Variants in FGF14 observed in about 807,000 individuals in gnomAD.
The protein encoded by FGF14 is fibroblast growth factor 14, also known as fibroblast growth factor homologous factor 4.
FGF14 carries 5 observed loss-of-function variants against 25.5 expected under a neutral mutation model. That is an observed-to-expected ratio of 0.20 (90% confidence interval 0.10 to 0.41). FGF14 has a LOEUF of 0.41. FGF14 is among the 10% of genes least tolerant of loss of function. FGF14 has a pLI of 1.00. For missense variants in FGF14, 222 were observed against 320.1 expected, an observed-to-expected ratio of 0.69 and a Z score of 2.34; for synonymous variants, 138 against 118.3, an observed-to-expected ratio of 1.17 and a Z score of -1.08.
intron 1 of FGF14, among the ~76,000 whole-genome samples, chr13:101,925,260 C>T (rs180856738): frequency 1.7e-4 from 26 of 152,274 alleles, no homozygotes; most frequent in Non-Finnish European, 3.5e-4. Context: ...AATTTGCTAT[C>T]ATATTTTTGG....
At chr13:102,307,042 A>G (rs549270090) in intron 1 of FGF14, among the ~76,000 whole-genome samples, 27 of 152,242 alleles carry the variant, frequency 1.8e-4, no homozygotes, top group African/African-American at 5.5e-4. Flanking sequence ...CAGTTCAATC[A>G]TAGGAGGCCT....
intron 3 of FGF14, among the ~76,000 whole-genome samples, chr13:101,773,542 G>C (rs930335096): frequency 1.3e-5 from 2 of 152,068 alleles, no homozygotes; most frequent in African/African-American, 4.8e-5. Flanking sequence ...GCAACTTAGA[G>C]AGGTAGAAAG....
intron 1 of FGF14, among the ~76,000 whole-genome samples, chr13:102,316,212 C>A (rs553515697): frequency 2.0e-5 from 3 of 152,198 alleles, no homozygotes; most frequent in Non-Finnish European, 4.4e-5. Context: ...AAAATCCTGA[C>A]CTTTCTGCCA....
chr13:101,849,473 AC>A, intron 3 of FGF14, among the ~76,000 whole-genome samples: 1 of 152,156 alleles, frequency 6.6e-6, no homozygotes, highest in East Asian at 1.9e-4. Context: ...AAGCTTCTCC[AC>A]ACTTTCCTTC....
chr13:102,122,892 T>TA (rs372437342), intron 1 of FGF14, among the ~76,000 whole-genome samples: 1 of 152,128 alleles, frequency 6.6e-6, no homozygotes, highest in South Asian at 2.1e-4. Context: ...AGAGAAAGTG[T>TA]AAAAAAATTG....
At chr13:102,070,957 A>C (rs2043129924) in intron 1 of FGF14, among the ~76,000 whole-genome samples, 2 of 31,548 alleles carry the variant, frequency 6.3e-5, no homozygotes, top group Admixed American at 7.7e-4. Context: ...ACAAAACAAA[A>C]CACACACACA....
rs970675240 is a variant in FGF14, at chr13:101,719,608, A to G, written c.*3223T>C. On this transcript the variant is annotated 3_prime_UTR_variant, in exon 5 of 5. Transcript: ENST00000376143. ...CAAAAATGTTGTCACTTGAAATACC[A>G]AAACAACATTTCTGAGCGTTGTTGA... 5 of 152,144 alleles carry G rather than the reference A, an allele frequency of 3.3e-5. No individual in the cohort carries two copies. The highest frequency in any genetic ancestry group is 9.7e-5 in the African/African-American group (4 of 41,450). 9.4% of individuals were successfully genotyped at this position (152,144 alleles called of 1,614,324 possible).
At chr13:102,206,621 C>G (rs933125680) in intron 1 of FGF14, among the ~76,000 whole-genome samples, 2 of 152,112 alleles carry the variant, frequency 1.3e-5, no homozygotes, top group Non-Finnish European at 2.9e-5. Context: ...GTGGAGGTTA[C>G]AGTGAGCCCA....
intron 1 of FGF14, among the ~76,000 whole-genome samples, chr13:102,345,842 G>T (rs2138937945): frequency 6.6e-6 from 1 of 152,262 alleles, no homozygotes; most frequent in East Asian, 1.9e-4. Flanking sequence ...CTTTTGGACT[G>T]GAAAAGGGTG....
intron 3 of FGF14, among the ~76,000 whole-genome samples, chr13:101,823,330 T>C (rs1277909671): frequency 6.6e-6 from 1 of 150,394 alleles, no homozygotes; most frequent in Non-Finnish European, 1.5e-5. Context: ...TCTCTCTCTG[T>C]ATATGTATAT....
chr13:102,289,745 A>G (rs1214736363), intron 1 of FGF14, among the ~76,000 whole-genome samples: 1 of 152,212 alleles, frequency 6.6e-6, no homozygotes, highest in Non-Finnish European at 1.5e-5. Flanking sequence ...CAACATAGGT[A>G]CAGGCCTTAG....
At chr13:101,964,009 A>C (rs1228842563) in intron 1 of FGF14, among the ~76,000 whole-genome samples, 1 of 152,228 alleles carries the variant, frequency 6.6e-6, no homozygotes. Flanking sequence ...TGGTTTTCAA[A>C]CATGATTTAT....
chr13:102,127,271 G>T (rs753958747), intron 1 of FGF14, among the ~76,000 whole-genome samples: 17 of 152,118 alleles, frequency 1.1e-4, no homozygotes, highest in Non-Finnish European at 1.8e-4. Context: ...ATGGAATAAT[G>T]CATTTGTACT....
At chr13:102,252,313 T>C (rs2052220587) in intron 1 of FGF14, among the ~76,000 whole-genome samples, 2 of 152,200 alleles carry the variant, frequency 1.3e-5, no homozygotes, top group Non-Finnish European at 2.9e-5. Context: ...ATTCAGGTTT[T>C]GATTCTCCCA....
intron 1 of FGF14, among the ~76,000 whole-genome samples, chr13:102,143,629 C>T (rs2140467392): frequency 6.6e-6 from 1 of 152,256 alleles, no homozygotes; most frequent in Non-Finnish European, 1.5e-5. Flanking sequence ...TATATCTGCC[C>T]AGTAATTTCT....
intron 1 of FGF14, among the ~76,000 whole-genome samples, chr13:101,876,590 A>G (rs992004827): frequency 5.3e-5 from 8 of 152,168 alleles, no homozygotes. Context: ...TAGATGGTAT[A>G]ATATTGGAAA....
Position 101,714,655 on chromosome 13 carries a change from C to G in FGF14, c.*8176G>C. 1 of 721,300 alleles carries G rather than the reference C, an allele frequency of 1.4e-6. No individual in the cohort carries two copies. The highest frequency in any genetic ancestry group is 2.5e-6 in the Non-Finnish European group (1 of 402,440). 44.7% of individuals were successfully genotyped at this position (721,300 alleles called of 1,614,324 possible). On this transcript the variant is annotated 3_prime_UTR_variant, in exon 5 of 5. Coordinates refer to ENST00000376143, the MANE Select transcript of FGF14 (RefSeq NM_004115.4). ...AGGTGGCTGGACCAACAGGGCCAAC[C>G]GTGAATATGAAATATCTACCAAAGG... is the stretch of plus-strand genomic sequence containing the variant.
At chr13:102,275,238 C>T (rs563817309) in intron 1 of FGF14, among the ~76,000 whole-genome samples, 51 of 98,522 alleles carry the variant, frequency 5.2e-4, no homozygotes, top group African/African-American at 2.4e-3. Context: ...GCAGATTTCT[C>T]TCTCTCTCTC....
At chr13:102,276,353 G>GTATATATA (rs10574334) in intron 1 of FGF14, among the ~76,000 whole-genome samples, 2 of 103,288 alleles carry the variant, frequency 1.9e-5, no homozygotes, top group African/African-American at 3.8e-5. Context: ...GTGTGTGTGT[G>GTATATATA]TATATATATA....
Sources: allele counts gnomAD v4.1 joint callset (sites outside exome capture counted in the v4.1 genomes callset), GRCh38; gene constraint gnomAD v4.1.1; transcripts MANE v1.5; gene names NCBI Gene and HGNC (gene_info 2026-07-23, HGNC 2026-07-21).